PCDHGA4: variants seen among roughly 807,000 people sequenced by gnomAD.
The protein encoded by PCDHGA4 is protocadherin gamma subfamily A, 4, also known as protocadherin gamma-A4.
In PCDHGA4, 38 loss-of-function variants were observed where a neutral mutation model predicts 54.6. That is an observed-to-expected ratio of 0.70 (90% CI 0.54 to 0.91). PCDHGA4 has a LOEUF of 0.91. Among genes scored for constraint, PCDHGA4 ranks in the 40% least tolerant of loss-of-function variants. The pLI is 0.00. For synonymous variants in PCDHGA4, 511 were observed against 512.9 expected (o/e 1.00, Z 0.05); for missense variants, 1,298 against 1,220.9 (o/e 1.06, Z -0.94).
At chr5:141,401,802 A>C (rs1030250595) in intron 1 of PCDHGA4, among the ~76,000 whole-genome samples, 162 of 152,148 alleles carry the variant, frequency 1.1e-3, no homozygotes, top group African/African-American at 3.7e-3. Context: ...TGATTCAGTA[A>C]ATGGGTTCCT....
chr5:141,490,317 C>A lies in PCDHGA4; in HGVS notation c.2515-4490C>A, dbSNP rs2233604. ...TATTGGCCTCTTTGGCCAACCCTGT[C>A]CTAGAGAGCACACCAGTGGGCACAG... On this transcript the variant is annotated intron_variant, in intron 1 of 3. Coordinates refer to ENST00000571252, the MANE Select transcript of PCDHGA4 (RefSeq NM_018917.4). The surrounding 1 kb of genome is among the most constrained non-coding windows in gnomAD (Gnocchi z 5.4). 32,069 of 1,614,158 alleles carry A rather than the reference C, an allele frequency of 0.02. 521 individuals carry two copies. Among genetic ancestry groups the A allele is most frequent in the African/African-American group, 0.081 (6,098 of 75,022 alleles).
At chr5:141,398,759 T>A (rs1313274991) in intron 1 of PCDHGA4, 2 of 1,613,904 alleles carry the variant, frequency 1.2e-6, no homozygotes, top group Non-Finnish European at 1.7e-6. Context: ...CATCGTTTAG[T>A]CCTGACTGCC....
At chr5:141,473,966 G>A (rs1268822103) in intron 1 of PCDHGA4, among the ~76,000 whole-genome samples, 3 of 152,174 alleles carry the variant, frequency 2.0e-5, no homozygotes, top group Non-Finnish European at 4.4e-5. Context: ...CTACTTAGAA[G>A]TCTGAGGCGG....
chr5:141,371,120 T>C, intron 1 of PCDHGA4: 1 of 1,613,974 alleles, frequency 6.2e-7, no homozygotes, highest in Non-Finnish European at 8.5e-7. Flanking sequence ...CCCCAGTATT[T>C]ACTCAGGACA....
intron 1 of PCDHGA4, 195 bp downstream of exon 1, chr5:141,357,816 T>C: frequency 1.4e-6 from 1 of 715,180 alleles, no homozygotes; most frequent in Non-Finnish European, 2.2e-6. Context: ...TTATTACTTA[T>C]CCTTTTTGGT....
chr5:141,477,212 C>T lies in PCDHGA4; in HGVS notation c.2515-17595C>T, dbSNP rs1488282405. On this transcript the variant is annotated intron_variant, in intron 1 of 3. Coordinates refer to ENST00000571252, the MANE Select transcript of PCDHGA4 (RefSeq NM_018917.4). This position sits in a 1 kb window ranked among gnomAD's most constrained non-coding sequence, Gnocchi z 4.9. ...GTACAGCCCAGTACCCGAGGATGCC[C>T]CTCTGGGGACTGTCATCGCTTTGCT... 11 of 1,614,048 alleles carry T rather than the reference C, an allele frequency of 6.8e-6. No individual in the cohort carries two copies. The highest frequency in any genetic ancestry group is 1.3e-5 in the African/African-American group (1 of 74,918).
intron 1 of PCDHGA4, among the ~76,000 whole-genome samples, chr5:141,464,222 G>A (rs1189319398): frequency 2.7e-5 from 4 of 147,818 alleles, no homozygotes; most frequent in African/African-American, 7.5e-5. Flanking sequence ...CTGAGATTGC[G>A]CCACTGCACT....
At chr5:141,393,980 T>C (rs745601350) in intron 1 of PCDHGA4, 132 of 1,613,686 alleles carry the variant, frequency 8.2e-5, no homozygotes, top group Admixed American at 6.7e-5. Context: ...CACGTGATAA[T>C]TTACCTTTTA....
intron 1 of PCDHGA4, chr5:141,404,341 A>C (rs2094516146): frequency 3.1e-6 from 5 of 1,613,966 alleles, no homozygotes; most frequent in Non-Finnish European, 4.2e-6. Context: ...ACCTCCCGGA[A>C]AACAACGCCA....
intron 1 of PCDHGA4, chr5:141,371,262 C>A (rs368232567): frequency 1.9e-6 from 3 of 1,614,000 alleles, no homozygotes; most frequent in South Asian, 1.1e-5. Context: ...GGAAGTGAGA[C>A]AACTGTTCAA....
chr5:141,458,990 C>T (rs2098958778), intron 1 of PCDHGA4, among the ~76,000 whole-genome samples: 1 of 152,212 alleles, frequency 6.6e-6, no homozygotes, highest in Non-Finnish European at 1.5e-5. Context: ...GCCTCACCCT[C>T]CCAAAGTGCT....
intron 1 of PCDHGA4, among the ~76,000 whole-genome samples, chr5:141,463,224 G>C (rs1039535501): frequency 6.6e-6 from 1 of 151,958 alleles, no homozygotes; most frequent in Non-Finnish European, 1.5e-5. Context: ...AATATTCCTG[G>C]AGTTCTTTGT....
rs751391789 is a variant in PCDHGA4 at position 141,355,795 on chromosome 5, G to T, written c.688G>T (p.Ala230Ser). 6.2e-6 allele frequency: 10 copies of T among 1,613,288 alleles called. No homozygotes were observed. Among genetic ancestry groups the T allele is most frequent in the Admixed American group, 1.7e-5 (1 of 59,880 alleles). ...IKYPELVLER[A>S]LDREEEAVHH... is the part of the protein sequence containing the mutation. ...GTACCCAGAGCTGGTGCTGGAACGC[G>T]CTCTAGATCGCGAGGAAGAGGCGGT... The change falls in exon 1 of 4, where the codon GCT becomes TCT. Residue 230 changes from alanine to serine, a missense_variant. Physicochemically the swap from Ala to Ser is moderately conservative, Grantham distance 99. Coordinates refer to ENST00000571252, the MANE Select transcript of PCDHGA4 (RefSeq NM_018917.4).
chr5:141,443,457 G>C (rs977253701), intron 1 of PCDHGA4, among the ~76,000 whole-genome samples: 12 of 152,194 alleles, frequency 7.9e-5, no homozygotes, highest in Non-Finnish European at 1.3e-4. Flanking sequence ...CTGTACTCCA[G>C]TCTGGGTGAC....
Position 141,487,106 on chromosome 5 carries a change from A to G in PCDHGA4, c.2515-7701A>G, listed in dbSNP as rs777727830. ...TGACCTCCCACCACAGAAGCTGGTC[A>G]TTGTGGTAAAGGATAGTGGTAGTCC... On this transcript the variant is annotated intron_variant, in intron 1 of 3. Transcript: ENST00000571252. The surrounding 1 kb of genome is among the most constrained non-coding windows in gnomAD (Gnocchi z 5.0). 1 of 1,613,902 alleles carries G rather than the reference A, an allele frequency of 6.2e-7. No individual in the cohort carries two copies. The highest frequency in any genetic ancestry group is 1.3e-5 in the African/African-American group (1 of 75,028).
In PCDHGA4 at chr5:141,489,104, A is replaced by C; in HGVS notation, c.2515-5703A>C. The stretch of plus-strand genomic sequence containing the variant: ...CCACTCGGTGACTAAGAACTGCTGC[A>C]AGCAGGCAAACCTCCGAGCAGTTTT... On this transcript the variant is annotated intron_variant, in intron 1 of 3. Coordinates refer to ENST00000571252, the MANE Select transcript of PCDHGA4 (RefSeq NM_018917.4). The surrounding 1 kb of genome is among the most constrained non-coding windows in gnomAD (Gnocchi z 4.5). 2.5e-6 allele frequency: 1 copy of C among 405,816 alleles called. No individual in the cohort carries two copies. Among genetic ancestry groups the C allele is most frequent in the Non-Finnish European group, 4.3e-6 (1 of 232,372 alleles). 25.1% of individuals were successfully genotyped at this position (405,816 alleles called of 1,614,324 possible). A position where few individuals can be genotyped will look rare whatever the true frequency, so the allele number is the denominator to read the frequency against.
intron 1 of PCDHGA4, among the ~76,000 whole-genome samples, chr5:141,471,995 TG>T: frequency 6.6e-6 from 1 of 152,322 alleles, no homozygotes; most frequent in East Asian, 1.9e-4. Context: ...TAAAAATCCC[TG>T]CATCGTATAG....
chr5:141,473,260 G>T (rs2099318007), intron 1 of PCDHGA4, among the ~76,000 whole-genome samples: 1 of 152,148 alleles, frequency 6.6e-6, no homozygotes, highest in South Asian at 2.1e-4. Flanking sequence ...ATAGTCCTTA[G>T]TGTATGCTAT....
chr5:141,455,104 G>T (rs2098813087), intron 1 of PCDHGA4, among the ~76,000 whole-genome samples: 1 of 151,780 alleles, frequency 6.6e-6, no homozygotes, highest in Non-Finnish European at 1.5e-5. Flanking sequence ...GAGCCACTGC[G>T]CCCGGTGGGT....
Sources: allele counts gnomAD v4.1 joint callset (sites outside exome capture counted in the v4.1 genomes callset), GRCh38; gene constraint gnomAD v4.1.1; non-coding constraint Gnocchi (gnomAD v3.1); transcripts MANE v1.5; gene names NCBI Gene and HGNC (gene_info 2026-07-23, HGNC 2026-07-21).